The following NXN variants were observed in gnomAD, a reference collection of about 807,000 sequenced individuals.
NXN encodes nucleoredoxin 1.
NXN carries 16 observed loss-of-function variants against 48.6 expected under a neutral mutation model. The observed-to-expected ratio is 0.33, with a 90% CI of 0.22 to 0.50. The LOEUF is 0.50. Ranked by LOEUF, NXN falls within the 20% of genes least tolerant of loss-of-function variation. The pLI, the probability that NXN is intolerant of heterozygous loss-of-function variation, is 0.98. For synonymous variants in NXN, 281 were observed against 269.6 expected (o/e 1.04, Z -0.41); for missense variants, 492 against 605.5 (o/e 0.81, Z 1.97).
chr17:961,702 T>G lies in NXN; in HGVS notation c.360+17617A>C, dbSNP rs1032689650. Among the ~76,000 whole-genome samples, 15 of 152,366 alleles carry G rather than the reference T, an allele frequency of 9.8e-5. 2 individuals are homozygous for G. Among genetic ancestry groups the G allele is most frequent in the African/African-American group, 3.6e-4 (15 of 41,594 alleles). On this transcript the variant is annotated intron_variant, in intron 1 of 7. Coordinates refer to ENST00000336868, the MANE Select transcript of NXN (RefSeq NM_022463.5). ...GGGCTCACTGAATCTTTGAAAAGTT[T>G]GCCTTTCATAATTTCTACTATCTAT... is the stretch of plus-strand genomic sequence containing the variant.
At chr17:828,922 A>G (rs985216819) in intron 1 of NXN, among the ~76,000 whole-genome samples, 55 of 152,046 alleles carry the variant, frequency 3.6e-4, no homozygotes, top group African/African-American at 1.3e-3. Flanking sequence ...TTGGAGAAAA[A>G]AAATCACTGG....
intron 5 of NXN, among the ~76,000 whole-genome samples, chr17:812,030 C>A (rs967011360): frequency 6.0e-5 from 9 of 149,842 alleles, no homozygotes; most frequent in Non-Finnish European, 1.2e-4. Context: ...CGGGTTCACG[C>A]CATTCTCCTG....
In NXN at chr17:820,943, A is replaced by C. The variant is rs113911146; in HGVS notation, c.714-1398T>G. On this transcript the variant is annotated intron_variant, in intron 4 of 7. Transcript: ENST00000336868. ...CACCTAAAAAAAAAAAAAAAAACAA[A>C]AAAAAAAACTGACTGCTGCACCTGG... Among the ~76,000 whole-genome samples the C allele has an allele frequency of 5.6e-5, 4 of 71,042 alleles. 2 individuals are homozygous for C. The highest frequency in any genetic ancestry group is 1.7e-4 in the African/African-American group (2 of 11,842). 46.6% of individuals were successfully genotyped at this position (71,042 alleles called of 152,430 possible).
chr17:950,403 A>AT (rs1314643822), intron 1 of NXN, among the ~76,000 whole-genome samples: 1 of 152,028 alleles, frequency 6.6e-6, no homozygotes, highest in African/African-American at 2.4e-5. Flanking sequence ...GCTTGGTTTT[A>AT]TTTTTAAGAT....
chr17:812,881 C>T (rs1249000047), intron 5 of NXN, among the ~76,000 whole-genome samples: 1 of 131,572 alleles, frequency 7.6e-6, no homozygotes, highest in Non-Finnish European at 1.6e-5. Context: ...GGTGTGTGCG[C>T]ACATGTGAAT....
intron 1 of NXN, among the ~76,000 whole-genome samples, chr17:865,578 C>G (rs1485005703): frequency 1.3e-5 from 2 of 152,132 alleles, no homozygotes; most frequent in African/African-American, 4.8e-5. Flanking sequence ...GACAGTCTCT[C>G]CCCTCCAAGA....
intron 1 of NXN, among the ~76,000 whole-genome samples, chr17:882,386 C>T (rs1799578565): frequency 6.6e-6 from 1 of 152,192 alleles, no homozygotes; most frequent in Admixed American, 6.5e-5. Flanking sequence ...CAGTCACTTC[C>T]TAGACAGCTC....
chr17:876,934 G>T (rs1236475111), intron 1 of NXN, among the ~76,000 whole-genome samples: 1 of 151,908 alleles, frequency 6.6e-6, no homozygotes, highest in African/African-American at 2.4e-5. Flanking sequence ...TGTAATCCGA[G>T]CTACTCAGGA....
intron 1 of NXN, 81 bp downstream of exon 1, chr17:979,238 C>CAGGGGTAACGGGCGTGGGGGGCGGGG: frequency 1.2e-6 from 1 of 853,972 alleles, no homozygotes; most frequent in Non-Finnish European, 1.4e-6. Context: ...TGGCGGAGGG[C>CAGGGGTAACGGGCGTGGGGGGCGGGG]AGGGGTAACG....
Position 970,173 on chromosome 17 carries a change from C to T in NXN, c.360+9146G>A, listed in dbSNP as rs79154834. Among the ~76,000 whole-genome samples the T allele has an allele frequency of 1.1e-3, 161 of 152,258 alleles. 1 individual carries two copies. The East Asian group carries it at 0.022, about 21-fold the overall frequency. On this transcript the variant is annotated intron_variant, in intron 1 of 7. Transcript: ENST00000336868. ...GGCCACAGAACAAAACTTTCCATGA[C>T]GGGTCTCACTCCCGAGTAACGGCAC...
rs867603330 is a variant in NXN at position 860,770 on chromosome 17, A to C, written c.361-34692T>G. 7.2e-5 allele frequency among the ~76,000 whole-genome samples: 11 copies of C among 152,410 alleles called. No individual in the cohort carries two copies. The South Asian group carries it at 8.3e-4, about 11-fold the overall frequency. On this transcript the variant is annotated intron_variant, in intron 1 of 7. Transcript: ENST00000336868. Reference sequence around the variant, plus strand: ...ATAAAATCAAGTCAAAAGTAGGAGCAAACAGCAAATCCTAAAGTTTAATAT... The same window carrying C: ...ATAAAATCAAGTCAAAAGTAGGAGCCAACAGCAAATCCTAAAGTTTAATAT...
chr17:899,534 A>G (rs1423270187), intron 1 of NXN, among the ~76,000 whole-genome samples: 2 of 152,162 alleles, frequency 1.3e-5, no homozygotes, highest in Non-Finnish European at 2.9e-5. Flanking sequence ...CCGCAAGGAG[A>G]TTTAGCTCCT....
intron 1 of NXN, among the ~76,000 whole-genome samples, chr17:837,766 C>A (rs893064193): frequency 6.6e-6 from 1 of 152,202 alleles, no homozygotes; most frequent in African/African-American, 2.4e-5. Context: ...CAGACCAGCC[C>A]GTGTGACCAA....
At chr17:819,335 T>C (rs1912676573) in intron 5 of NXN, 104 bp downstream of exon 5, 2 of 797,504 alleles carry the variant, frequency 2.5e-6, no homozygotes, top group African/African-American at 1.7e-5. Context: ...TGAATATTCA[T>C]GGAAATAATG....
chr17:815,768 G>A (rs1007498121), intron 5 of NXN, among the ~76,000 whole-genome samples: 1 of 152,202 alleles, frequency 6.6e-6, no homozygotes, highest in Non-Finnish European at 1.5e-5. Context: ...CGTTCTTCTT[G>A]GCCTGAACGT....
At chr17:801,943 G>C (rs574487765) in intron 7 of NXN, among the ~76,000 whole-genome samples, 1 of 152,192 alleles carries the variant, frequency 6.6e-6, no homozygotes, top group Non-Finnish European at 1.5e-5. Context: ...AGAAGACAGC[G>C]CTGCTTAAGC....
chr17:880,414 T>A (rs906382418), intron 1 of NXN, among the ~76,000 whole-genome samples: 1 of 152,186 alleles, frequency 6.6e-6, no homozygotes, highest in African/African-American at 2.4e-5. Context: ...AACTTCTTTG[T>A]GGCCTGTTAG....
chr17:812,880 GCA>G (rs1912218480), intron 5 of NXN, among the ~76,000 whole-genome samples: 1 of 146,610 alleles, frequency 6.8e-6, no homozygotes, highest in African/African-American at 2.6e-5. Context: ...GGGTGTGTGC[GCA>G]CATGTGAATG....
intron 1 of NXN, 80 bp downstream of exon 1, chr17:979,239 A>AGGGGTAACGGGCGTGGGGGGCGGGCT (rs2069504422): frequency 1.3e-6 from 1 of 776,216 alleles, no homozygotes; most frequent in Non-Finnish European, 1.5e-6. Context: ...GGCGGAGGGC[A>AGGGGTAACGGGCGTGGGGGGCGGGCT]GGGGTAACGG....
Sources: allele counts gnomAD v4.1 joint callset (sites outside exome capture counted in the v4.1 genomes callset), GRCh38; gene constraint gnomAD v4.1.1; transcripts MANE v1.5; gene names NCBI Gene and HGNC (gene_info 2026-07-23, HGNC 2026-07-21).